Variants in NAT10 observed in about 807,000 individuals in gnomAD.
The protein encoded by NAT10 is N-acetyltransferase 10.
In NAT10, 109 loss-of-function variants were observed where a neutral mutation model predicts 132.2. That is an observed-to-expected ratio of 0.82 (90% CI 0.71 to 0.97). The LOEUF is 0.97. Among genes scored for constraint, NAT10 ranks in the 50% least tolerant of loss-of-function variants. The pLI is 0.00. For missense variants in NAT10, 1,184 were observed against 1,263.4 expected, an observed-to-expected ratio of 0.94 and a Z score of 0.95; for synonymous variants, 479 against 478.0, an observed-to-expected ratio of 1.00 and a Z score of -0.03.
chr11:34,141,550 C>CTG (rs1852332446), intron 25 of NAT10, among the ~76,000 whole-genome samples, 169 bp from the exon 26 acceptor site: 1 of 152,152 alleles, frequency 6.6e-6, no homozygotes, highest in African/African-American at 2.4e-5. Context: ...CATATCCAGT[C>CTG]TGTGTTCTTC....
chr11:34,127,670 G>A (rs1852020787), intron 12 of NAT10, 71 bp downstream of exon 12: 2 of 1,539,050 alleles, frequency 1.3e-6, no homozygotes, highest in Non-Finnish European at 1.8e-6. Flanking sequence ...TGTAGTGGAT[G>A]TGGCCTGGGC....
At chr11:34,130,700 C>A (rs1213026918) in intron 12 of NAT10, 113 bp from the exon 13 acceptor site, 2 of 1,353,240 alleles carry the variant, frequency 1.5e-6, no homozygotes, top group Non-Finnish European at 2.1e-6. Flanking sequence ...CAAGGCTGTC[C>A]TGGGGGAAGC....
intron 1 of NAT10, 34 bp from the exon 2 acceptor site, chr11:34,108,177 T>C (rs1411047909): frequency 4.9e-6 from 7 of 1,434,126 alleles, no homozygotes; most frequent in Non-Finnish European, 6.9e-6. Context: ...GACAATCTAG[T>C]GCGCATGGCC....
intron 13 of NAT10, 127 bp from the exon 14 acceptor site, chr11:34,131,254 T>A (rs1852099429): frequency 7.4e-7 from 1 of 1,342,914 alleles, no homozygotes; most frequent in Non-Finnish European, 1.0e-6. Flanking sequence ...CCACCCAGTT[T>A]AAATTCTTAC....
intron 1 of NAT10, among the ~76,000 whole-genome samples, chr11:34,106,528 G>C (rs1195154474): frequency 1.3e-5 from 2 of 152,016 alleles, no homozygotes; most frequent in African/African-American, 4.8e-5. Flanking sequence ...GGGCCTTGTG[G>C]TACTACTTCT....
chr11:34,140,987 G>T, intron 24 of NAT10, 102 bp from the exon 25 acceptor site: 1 of 1,497,486 alleles, frequency 6.7e-7, no homozygotes, highest in Non-Finnish European at 9.2e-7. Flanking sequence ...GTCTACCTTT[G>T]TACCAATAGC....
intron 12 of NAT10, among the ~76,000 whole-genome samples, 179 bp downstream of exon 12, chr11:34,127,778 T>G (rs748731724): frequency 3.9e-5 from 6 of 152,192 alleles, no homozygotes; most frequent in Non-Finnish European, 8.8e-5. Flanking sequence ...CTTAATGAAC[T>G]GTTACACGTC....
At chr11:34,116,642 T>C (rs1002604145) in intron 6 of NAT10, among the ~76,000 whole-genome samples, 1 of 152,142 alleles carries the variant, frequency 6.6e-6, no homozygotes, top group Non-Finnish European at 1.5e-5. Context: ...TTGCCCAGGC[T>C]GGAGTACAGA....
intron 3 of NAT10, among the ~76,000 whole-genome samples, chr11:34,109,225 C>T (rs1457300244): frequency 6.6e-6 from 1 of 152,058 alleles, no homozygotes; most frequent in Admixed American, 6.5e-5. Flanking sequence ...CCTTTATGTA[C>T]CCTGTGTCTC....
intron 16 of NAT10, 117 bp from the exon 17 acceptor site, chr11:34,134,202 A>T: frequency 1.2e-6 from 1 of 842,638 alleles, no homozygotes. Flanking sequence ...TGTCAGGGTT[A>T]AACCTGAACA....
chr11:34,139,647 G>A, intron 23 of NAT10, 152 bp downstream of exon 23: 1 of 658,478 alleles, frequency 1.5e-6, no homozygotes, highest in South Asian at 1.8e-5. Flanking sequence ...CCAGGCCCCT[G>A]CTCTGTCCCA....
At position 34,124,396 on chromosome 11, in the gene NAT10, T is replaced by C. The variant is rs1237797630; in HGVS notation, c.1103T>C (p.Ile368Thr). The C allele has an allele frequency of 2.5e-6, 4 of 1,612,492 alleles. No individual in the cohort carries two copies. The highest frequency in any genetic ancestry group is 3.4e-6 in the Non-Finnish European group (4 of 1,178,822). The change falls in exon 11 of 29, where the codon ATT (isoleucine) becomes ACT (threonine). Residue 368 changes from isoleucine (I) to threonine (T), a missense_variant. Ile to Thr is a moderately conservative substitution (Grantham distance 89). Transcript: ENST00000257829. ...VNVFREHRQT[I>T]QYIHPADAVK... Reference sequence around the variant, plus strand: ...GTATTTCGAGAACACAGGCAGACTATTCAGGTGAGGCTTGTTCTCAGACCC... The same window carrying C: ...GTATTTCGAGAACACAGGCAGACTACTCAGGTGAGGCTTGTTCTCAGACCC...
intron 3 of NAT10, among the ~76,000 whole-genome samples, chr11:34,110,487 G>T (rs577519810): frequency 6.7e-6 from 1 of 148,162 alleles, no homozygotes; most frequent in Non-Finnish European, 1.5e-5. Flanking sequence ...TATAATGTTT[G>T]CCAATGGATG....
rs117072479 is a variant in NAT10 at position 34,129,214 on chromosome 11, A to T, written c.1245-1599A>T. Among the ~76,000 whole-genome samples the T allele has an allele frequency of 8.9e-3, 1,360 of 152,198 alleles. 18 individuals are homozygous for T. The highest frequency in any genetic ancestry group is 0.019 in the South Asian group (90 of 4,822). On this transcript the variant is annotated intron_variant, in intron 12 of 28. Coordinates refer to ENST00000257829, the MANE Select transcript of NAT10 (RefSeq NM_024662.3). ...GTTAGACCATGCGAGGAGCTGCCAG[A>T]CTCTTCCAAAGCAATTGCACATTCT...
chr11:34,108,850 A>AT lies in NAT10; in HGVS notation c.200+18dup. On this transcript the variant is annotated intron_variant, in intron 3 of 28. Coordinates refer to ENST00000257829, the MANE Select transcript of NAT10 (RefSeq NM_024662.3). ...GTTTAGCAGGTAAGCTGGGCTCTTC[A>AT]TGTGTTTTATCCAACTTACAATTCC... 1 of 1,597,636 alleles carries AT rather than the reference A, an allele frequency of 6.3e-7. No individual in the cohort carries two copies. The highest frequency in any genetic ancestry group is 8.5e-7 in the Non-Finnish European group (1 of 1,173,414).
intron 11 of NAT10, among the ~76,000 whole-genome samples, chr11:34,125,233 G>A (rs774964468): frequency 2.6e-5 from 4 of 151,992 alleles, no homozygotes; most frequent in Non-Finnish European, 4.4e-5. Context: ...GCTCACTTTT[G>A]CTCGATTCCC....
chr11:34,139,274 A>G lies in NAT10; in HGVS notation c.2295A>G (p.Ala765=). 6.2e-7 allele frequency: 1 copy of G among 1,614,022 alleles called. No homozygotes were observed. The highest frequency in any genetic ancestry group is 1.3e-5 in the African/African-American group (1 of 75,018). ...EDEADQGGWL[A]AFWKDFRRRF... ...AGGCTGACCAGGGAGGCTGGCTTGCAGCCTTCTGGAAAGGTGACTGAGGAG... is the reference window on the plus strand; with the variant it reads ...AGGCTGACCAGGGAGGCTGGCTTGCGGCCTTCTGGAAAGGTGACTGAGGAG... Residue 765 remains alanine, a synonymous_variant, in exon 22 of 29, where the codon GCA becomes GCG. Transcript: ENST00000257829.
At chr11:34,139,082 G>T in intron 21 of NAT10, 109 bp from the exon 22 acceptor site, 1 of 992,430 alleles carries the variant, frequency 1.0e-6, no homozygotes, top group East Asian at 2.4e-5. Flanking sequence ...AGAAGGAGAG[G>T]CCTGCGGAAG....
intron 11 of NAT10, among the ~76,000 whole-genome samples, 195 bp downstream of exon 11, chr11:34,124,595 A>G (rs1416883221): frequency 6.6e-6 from 1 of 152,248 alleles, no homozygotes; most frequent in South Asian, 2.1e-4. Flanking sequence ...ACTAACAAAT[A>G]TATGTAGTTA....
Sources: gnomAD v4.1 joint callset for allele counts (sites outside exome capture counted in the v4.1 genomes callset) on GRCh38, gnomAD v4.1.1 for gene constraint, MANE v1.5 for transcripts, NCBI Gene and HGNC (gene_info 2026-07-23, HGNC 2026-07-21) for gene names.